FGD4: variants seen among roughly 807,000 people sequenced by gnomAD.
FGD4 encodes the protein FYVE, RhoGEF and PH domain-containing protein 4.
FGD4 carries 42 observed loss-of-function variants against 102.0 expected under a neutral mutation model. That is an observed-to-expected ratio of 0.41 (90% CI 0.32 to 0.53). The LOEUF (loss-of-function observed/expected upper bound fraction) is 0.53, where lower values mean the gene tolerates loss of function less well. Ranked by LOEUF, FGD4 falls within the 20% of genes least tolerant of loss-of-function variation. The probability of loss-of-function intolerance (pLI) is 0.21; values close to 1 mark genes in which losing one functional copy is unlikely to be tolerated. For synonymous variants in FGD4, 380 were observed against 375.7 expected (o/e 1.01, Z -0.13); for missense variants, 902 against 1,078.2 (o/e 0.84, Z 2.29).
intron 11 of FGD4, among the ~76,000 whole-genome samples, chr12:32,624,129 T>C (rs975174634): frequency 3.9e-5 from 6 of 152,166 alleles, no homozygotes; most frequent in African/African-American, 7.2e-5. Context: ...ATGCTATAGA[T>C]ACAGTTACCT....
intron 1 of FGD4, among the ~76,000 whole-genome samples, chr12:32,432,205 G>A (rs536236356): frequency 3.3e-5 from 5 of 151,732 alleles, no homozygotes; most frequent in Admixed American, 1.3e-4. Flanking sequence ...GACTACAGGC[G>A]CCCACCACCA....
chr12:32,445,473 T>C (rs961504701), intron 1 of FGD4, among the ~76,000 whole-genome samples: 19 of 152,206 alleles, frequency 1.2e-4, no homozygotes, highest in South Asian at 2.1e-4. Context: ...TGTAAGACAA[T>C]GGCTTTTTAT....
At chr12:32,457,205 CAG>C (rs143952447) in intron 1 of FGD4, among the ~76,000 whole-genome samples, 5,791 of 152,126 alleles carry the variant, frequency 0.038, 169 homozygotes, top group South Asian at 0.12. Context: ...CCAAGAAAAA[CAG>C]TGAAGTTTTA....
intron 1 of FGD4, among the ~76,000 whole-genome samples, chr12:32,462,194 T>C (rs2136497873): frequency 1.3e-5 from 2 of 152,260 alleles, no homozygotes; most frequent in East Asian, 3.9e-4. Context: ...CACAGCTTGT[T>C]CTGTGGTTTG....
At chr12:32,572,153 G>C (rs991242431) in intron 2 of FGD4, among the ~76,000 whole-genome samples, 1 of 152,148 alleles carries the variant, frequency 6.6e-6, no homozygotes, top group African/African-American at 2.4e-5. Context: ...TGAACCTACT[G>C]TGGTGGCTTT....
At chr12:32,560,023 C>A (rs1410859059) in intron 1 of FGD4, among the ~76,000 whole-genome samples, 1 of 152,136 alleles carries the variant, frequency 6.6e-6, no homozygotes, top group Admixed American at 6.6e-5. Flanking sequence ...GTACAGCCAT[C>A]CTTCACTAGA....
rs1951324521 is a variant in FGD4, at chr12:32,644,724, G to T, written c.*4191G>T. On this transcript the variant is annotated 3_prime_UTR_variant, in exon 17 of 17. Coordinates refer to ENST00000534526, the MANE Select transcript of FGD4 (RefSeq NM_001370298.3). ...AGATGAAATATTTTAACTGCAGAAGGGATATAAAATCTATGTAATTACATG... is the reference window on the plus strand; with the variant it reads ...AGATGAAATATTTTAACTGCAGAAGTGATATAAAATCTATGTAATTACATG... 1 of 152,058 alleles carries T rather than the reference G, an allele frequency of 6.6e-6. No individual in the cohort carries two copies. The highest frequency in any genetic ancestry group is 1.5e-5 in the Non-Finnish European group (1 of 68,016). The allele number at this position is 152,058 out of a possible 1,614,324, so 9.4% of individuals were successfully genotyped here.
intron 1 of FGD4, among the ~76,000 whole-genome samples, chr12:32,507,338 A>G (rs191255835): frequency 6.6e-6 from 1 of 152,132 alleles, no homozygotes; most frequent in East Asian, 1.9e-4. Flanking sequence ...ATTGTTGGAC[A>G]TTTGGGTTGG....
chr12:32,582,362 C>G lies in FGD4; in HGVS notation c.906C>G (p.Leu302=). Reference sequence around the variant, plus strand: ...GGACTCCAGGCATAGGCCCAGTGCTCCCCCTAGAAGAAAGAGGGGCAGAAA... The same window carrying G: ...GGACTCCAGGCATAGGCCCAGTGCTGCCCCTAGAAGAAAGAGGGGCAGAAA... ...SYRTPGIGPV[L]PLEERGAETE... Residue 302 remains leucine, a synonymous_variant, in exon 4 of 17, where the codon CTC becomes CTG. Transcript: ENST00000534526. 1 of 1,614,036 alleles carries G rather than the reference C, an allele frequency of 6.2e-7. No homozygotes were observed. The highest frequency in any genetic ancestry group is 8.5e-7 in the Non-Finnish European group (1 of 1,179,986).
intron 1 of FGD4, among the ~76,000 whole-genome samples, chr12:32,476,971 A>T (rs1203815057): frequency 6.6e-6 from 1 of 152,160 alleles, no homozygotes; most frequent in African/African-American, 2.4e-5. Context: ...TGAGTTGGTG[A>T]AAAGTAATTG....
chr12:32,560,922 C>T (rs1165112661), intron 1 of FGD4, among the ~76,000 whole-genome samples: 3 of 151,664 alleles, frequency 2.0e-5, no homozygotes, highest in Admixed American at 6.6e-5. Flanking sequence ...AAATTCCTAG[C>T]GTCATTTAAT....
chr12:32,602,404 A>T (rs1236358863), intron 7 of FGD4, 87 bp downstream of exon 7: 28 of 1,534,602 alleles, frequency 1.8e-5, no homozygotes, highest in African/African-American at 4.1e-5. Flanking sequence ...AGATCTAGAG[A>T]TCTGTCTGAG....
At chr12:32,534,353 C>CT in intron 1 of FGD4, 1 of 1,446,472 alleles carries the variant, frequency 6.9e-7, no homozygotes, top group Non-Finnish European at 9.1e-7. Context: ...CTGGCAGATC[C>CT]TGTGTAATCT....
At chr12:32,560,651 C>A (rs1421594674) in intron 1 of FGD4, among the ~76,000 whole-genome samples, 1 of 152,082 alleles carries the variant, frequency 6.6e-6, no homozygotes, top group Non-Finnish European at 1.5e-5. Flanking sequence ...GCTGATAAAC[C>A]ATTTTAGCAG....
At chr12:32,627,562 T>C (rs10844260) in intron 14 of FGD4, among the ~76,000 whole-genome samples, 52,161 of 151,946 alleles carry the variant, frequency 0.34, 9,158 homozygotes, top group South Asian at 0.42. Context: ...GAGGACTAAG[T>C]GTGAAGATTT....
intron 1 of FGD4, among the ~76,000 whole-genome samples, chr12:32,466,126 G>T (rs1375359403): frequency 1.3e-5 from 2 of 152,114 alleles, no homozygotes; most frequent in Non-Finnish European, 2.9e-5. Flanking sequence ...AAATATAATG[G>T]TATTGCACAT....
intron 4 of FGD4, among the ~76,000 whole-genome samples, chr12:32,585,512 C>T (rs2136462568): frequency 6.6e-6 from 1 of 151,752 alleles, no homozygotes; most frequent in African/African-American, 2.4e-5. Flanking sequence ...CACAAATTGA[C>T]ATAATATGAT....
At chr12:32,440,462 C>G (rs1441023737) in intron 1 of FGD4, among the ~76,000 whole-genome samples, 1 of 152,216 alleles carries the variant, frequency 6.6e-6, no homozygotes, top group East Asian at 1.9e-4. Flanking sequence ...GATCACCGGG[C>G]AGAGACTCCT....
chr12:32,609,928 A>G (rs999841), intron 8 of FGD4, among the ~76,000 whole-genome samples: 48,654 of 152,000 alleles, frequency 0.32, 7,914 homozygotes, highest in South Asian at 0.53. Context: ...GCACTTCACC[A>G]GCAGCCTCTG....
Sources: gnomAD v4.1 joint callset for allele counts (sites outside exome capture counted in the v4.1 genomes callset) on GRCh38, gnomAD v4.1.1 for gene constraint, MANE v1.5 for transcripts, NCBI Gene and HGNC (gene_info 2026-07-23, HGNC 2026-07-21) for gene names.